Variants in NKAIN4 observed in about 807,000 individuals in gnomAD.
The protein encoded by NKAIN4 is sodium/potassium-transporting ATPase subunit beta-1-interacting protein 4.
A neutral mutation model predicts 28.8 loss-of-function variants in NKAIN4; 28 were observed. The ratio of observed to expected loss-of-function variants is 0.97; its 90% CI spans 0.72 to 1.33. The LOEUF (loss-of-function observed/expected upper bound fraction) is 1.33, where lower values mean the gene tolerates loss of function less well. Among genes scored for constraint, NKAIN4 ranks in the 40% most tolerant of loss-of-function variants. The pLI is 0.00. For missense variants in NKAIN4, 289 were observed against 277.2 expected (o/e 1.04, Z -0.30); for synonymous variants, 122 against 115.6 (o/e 1.06, Z -0.36).
At chr20:63,251,188 T>C (rs1221088316) in intron 1 of NKAIN4, among the ~76,000 whole-genome samples, 1 of 151,662 alleles carries the variant, frequency 6.6e-6, no homozygotes, top group Non-Finnish European at 1.5e-5. Flanking sequence ...GAGAGACAGC[T>C]TACGCCATTA....
In NKAIN4 at chr20:63,247,630, A is replaced by G. The variant is rs1280432753; in HGVS notation, c.419T>C (p.Leu140Pro). 1.4e-5 allele frequency: 21 copies of G among 1,547,466 alleles called. No homozygotes were observed. Among genetic ancestry groups the G allele is most frequent in the Non-Finnish European group, 1.7e-5 (20 of 1,145,458 alleles). The change falls in exon 4 of 7, where the codon CTG becomes CCG. Residue 140 changes from leucine to proline, a missense_variant. Coordinates refer to ENST00000370316, the MANE Select transcript of NKAIN4 (RefSeq NM_152864.4). ...QALVSGAGCA[L>P]EPSYVEALHS... is the part of the protein sequence containing the mutation. The stretch of plus-strand genomic sequence containing the variant: ...TAGGGCCTCCACATAGCTGGGCTCC[A>G]GGGCACAGCCAGCACCTGACACCAG...
upstream of NKAIN4, chr20:63,254,587 C>T (rs2067019496): frequency 8.5e-6 from 5 of 587,308 alleles, no homozygotes; most frequent in Non-Finnish European, 7.5e-6. Context: ...AACCCCCGGC[C>T]CAGCCCCAGC....
rs531553510 is a variant in NKAIN4, at chr20:63,252,582, C to T, written c.54+1815G>A. 1.3e-5 allele frequency among the ~76,000 whole-genome samples: 2 copies of T among 152,314 alleles called. No individual in the cohort carries two copies. The highest frequency in any genetic ancestry group is 3.9e-4 in the East Asian group (2 of 5,180). On this transcript the variant is annotated intron_variant, in intron 1 of 6. Coordinates refer to ENST00000370316, the MANE Select transcript of NKAIN4 (RefSeq NM_152864.4). This position sits in a 1 kb window ranked among gnomAD's most constrained non-coding sequence, Gnocchi z 4.6. ...CCCAAGGCAGAGGAGGCACAGTGGG[C>T]TGCCAGATTGCCAACCCGGCCAGGA...
intron 4 of NKAIN4, among the ~76,000 whole-genome samples, chr20:63,244,852 G>A (rs1007134233): frequency 6.6e-6 from 1 of 152,234 alleles, no homozygotes; most frequent in Non-Finnish European, 1.5e-5. Context: ...CACAGACACC[G>A]AGGGAGGCGG....
chr20:63,246,772 C>T, intron 4 of NKAIN4: 5 of 985,334 alleles, frequency 5.1e-6, no homozygotes, highest in Non-Finnish European at 3.6e-6. Context: ...AAACGCTGAC[C>T]GAGCACCCTC....
chr20:63,244,707 G>A (rs2066824706), intron 4 of NKAIN4, among the ~76,000 whole-genome samples: 1 of 152,226 alleles, frequency 6.6e-6, no homozygotes. Flanking sequence ...CCGCTGCAAA[G>A]CCCCACACAC....
At chr20:63,254,296 A>T in intron 1 of NKAIN4, 101 bp downstream of exon 1, 1 of 968,920 alleles carries the variant, frequency 1.0e-6, no homozygotes, top group Non-Finnish European at 1.4e-6. Context: ...CGCGGGACCC[A>T]GCGAACGGGC....
At position 63,245,325 on chromosome 20, in the gene NKAIN4, C is replaced by T. The variant is rs926058694; in HGVS notation, c.472-1241G>A. Among the ~76,000 whole-genome samples, 1 of 152,168 alleles carries T rather than the reference C, an allele frequency of 6.6e-6. No homozygotes were observed. The highest frequency in any genetic ancestry group is 2.4e-5 in the African/African-American group (1 of 41,430). On this transcript the variant is annotated intron_variant, in intron 4 of 6. Transcript: ENST00000370316. The surrounding 1 kb of genome is among the most constrained non-coding windows in gnomAD (Gnocchi z 4.7). ...GTGAGGGTGGGCAACCTCCACGGCT[C>T]GTCCCCCTCCTCACCCCAAAGGAGC... is the stretch of plus-strand genomic sequence containing the variant.
intron 4 of NKAIN4, chr20:63,247,176 A>G: frequency 8.9e-7 from 1 of 1,127,308 alleles, no homozygotes; most frequent in Non-Finnish European, 1.1e-6. Context: ...TGTGACCGGC[A>G]TGGGCTCGGG....
Position 63,245,947 on chromosome 20 carries a change from A to G in NKAIN4, c.471+1631T>C, listed in dbSNP as rs928733026. 4.3e-5 allele frequency among the ~76,000 whole-genome samples: 6 copies of G among 137,966 alleles called. No individual in the cohort carries two copies. In the East Asian group the frequency reaches 8.1e-4, roughly 19 times the overall value. The allele number at this position is 137,966 out of a possible 152,430, so 90.5% of individuals were successfully genotyped here. ...CTCAAGCTTCCTTTTTTTTTTTTTG[A>G]GACAGAGTCTCGCTCTGTCACCCAG... On this transcript the variant is annotated intron_variant, in intron 4 of 6. Coordinates refer to ENST00000370316, the MANE Select transcript of NKAIN4 (RefSeq NM_152864.4). This position sits in a 1 kb window ranked among gnomAD's most constrained non-coding sequence, Gnocchi z 4.7.
At chr20:63,254,300 A>G (rs1218757554) in intron 1 of NKAIN4, 97 bp downstream of exon 1, 3 of 1,009,316 alleles carry the variant, frequency 3.0e-6, no homozygotes, top group Non-Finnish European at 4.0e-6. Context: ...GGACCCAGCG[A>G]ACGGGCCCCG....
Position 63,241,300 on chromosome 20 carries a change from T to C in NKAIN4, c.*197A>G. On this transcript the variant is annotated 3_prime_UTR_variant, in exon 7 of 7. Transcript: ENST00000370316. ...TTAAGAGAAAGGAAATTACAAACTCTCTTGACGCTGCAGCCAGCCGTGGCA... is the reference window on the plus strand; with the variant it reads ...TTAAGAGAAAGGAAATTACAAACTCCCTTGACGCTGCAGCCAGCCGTGGCA... 1 of 584,162 alleles carries C rather than the reference T, an allele frequency of 1.7e-6. No homozygotes were observed. The highest frequency in any genetic ancestry group is 3.1e-6 in the Non-Finnish European group (1 of 325,156). 36.2% of individuals were successfully genotyped at this position (584,162 alleles called of 1,614,324 possible).
intron 2 of NKAIN4, 132 bp from the exon 3 acceptor site, chr20:63,249,027 C>A: frequency 1.5e-6 from 1 of 671,670 alleles, no homozygotes; most frequent in Non-Finnish European, 2.7e-6. Context: ...CTGGCGGCCC[C>A]CAGATGCACA....
Position 63,250,066 on chromosome 20 carries a change from C to A in NKAIN4, c.61G>T (p.Ala21Ser). 6.4e-7 allele frequency: 1 copy of A among 1,573,832 alleles called. No individual in the cohort carries two copies. The highest frequency in any genetic ancestry group is 2.4e-5 in the East Asian group (1 of 41,980). ...VVLCAFQLVA[A>S]LERQVFDFLG... ...AAGTCAAACACCTGCCTCTCCAGGG[C>A]GGCGACCTAGGAGCAGGGCGGGCGC... Residue 21 changes from alanine (A) to serine (S), a missense_variant, in exon 2 of 7, where the codon GCC becomes TCC. By Grantham distance (99) the Ala-to-Ser change is moderately conservative (BLOSUM62 1). Transcript: ENST00000370316.
chr20:63,249,355 C>T (rs2066917082), intron 2 of NKAIN4: 1 of 212,166 alleles, frequency 4.7e-6, no homozygotes, highest in Admixed American at 5.2e-5. Flanking sequence ...CACACACAGC[C>T]CAGCTGCTTT....
rs2066877491 is a variant in NKAIN4 at position 63,247,334 on chromosome 20, T to G, written c.471+244A>C. On this transcript the variant is annotated intron_variant, in intron 4 of 6. Coordinates refer to ENST00000370316, the MANE Select transcript of NKAIN4 (RefSeq NM_152864.4). ...CCCCACAGCAAACACCACGCTCAAC[T>G]TGAGAAAGCGCCTGGGTTGGCCCCG... 6 of 1,465,442 alleles carry G rather than the reference T, an allele frequency of 4.1e-6. No homozygotes were observed. The South Asian group carries it at 8.0e-5, about 20-fold the overall frequency. 90.8% of individuals were successfully genotyped at this position (1,465,442 alleles called of 1,614,324 possible). A position where few individuals can be genotyped will look rare whatever the true frequency, so the allele number is the denominator to read the frequency against.
In NKAIN4 at chr20:63,250,971, G is replaced by A. The variant is rs986264689; in HGVS notation, c.55-899C>T. On this transcript the variant is annotated intron_variant, in intron 1 of 6. Transcript: ENST00000370316. The stretch of plus-strand genomic sequence containing the variant: ...TCCCAGCCAAAAGACACCTGGGCCC[G>A]GGGGACCACTACCACCAAGACGCAG... Among the ~76,000 whole-genome samples, 15 of 131,522 alleles carry A rather than the reference G, an allele frequency of 1.1e-4. No homozygotes were observed. The South Asian group carries it at 1.7e-3, about 15-fold the overall frequency. 86.3% of individuals were successfully genotyped at this position (131,522 alleles called of 152,430 possible).
At position 63,245,855 on chromosome 20, in the gene NKAIN4, G is replaced by A. The variant is rs997118251; in HGVS notation, c.471+1723C>T. Among the ~76,000 whole-genome samples, 4 of 151,898 alleles carry A rather than the reference G, an allele frequency of 2.6e-5. No homozygotes were observed. The highest frequency in any genetic ancestry group is 9.7e-5 in the African/African-American group (4 of 41,412). ...CCCCATCTCCCCAACCATGCAGAGT[G>A]CCCACTCCTCCAGCCTCGGCTCCCA... On this transcript the variant is annotated intron_variant, in intron 4 of 6. Transcript: ENST00000370316. This position sits in a 1 kb window ranked among gnomAD's most constrained non-coding sequence, Gnocchi z 4.7.
At chr20:63,253,138 A>G in intron 1 of NKAIN4, 1 of 912,374 alleles carries the variant, frequency 1.1e-6, no homozygotes, top group Non-Finnish European at 1.3e-6. Context: ...TCGAGTGCCC[A>G]CCCTTGCTCT....
Sources: allele counts gnomAD v4.1 joint callset (sites outside exome capture counted in the v4.1 genomes callset), GRCh38; gene constraint gnomAD v4.1.1; non-coding constraint Gnocchi (gnomAD v3.1); transcripts MANE v1.5; gene names NCBI Gene and HGNC (gene_info 2026-07-23, HGNC 2026-07-21).